ODAD4: variants seen among roughly 807,000 people sequenced by gnomAD.
ODAD4 encodes the protein outer dynein arm-docking complex subunit 4.
In ODAD4, 49 loss-of-function variants were observed where a neutral mutation model predicts 51.8. That is an observed-to-expected ratio of 0.95 (90% CI 0.75 to 1.20). The LOEUF is 1.20. Among genes scored for constraint, ODAD4 ranks in the 50% most tolerant of loss-of-function variants. The probability of loss-of-function intolerance (pLI) is 0.00; values close to 1 mark genes in which losing one functional copy is unlikely to be tolerated. For missense variants in ODAD4, 590 were observed against 586.5 expected (o/e 1.01, Z -0.06); for synonymous variants, 235 against 221.3 (o/e 1.06, Z -0.55).
At chr17:41,958,277 T>G (rs1313998389) in intron 10 of ODAD4, among the ~76,000 whole-genome samples, 3 of 152,274 alleles carry the variant, frequency 2.0e-5, no homozygotes, top group African/African-American at 4.8e-5. Flanking sequence ...AGCCTTGATA[T>G]GTCCCCCATC....
chr17:41,944,439 CA>C (rs1567933135), intron 7 of ODAD4, among the ~76,000 whole-genome samples: 68 of 3,936 alleles, frequency 0.017, 1 homozygote, highest in Admixed American at 0.033. Context: ...CACACACACA[CA>C]CACACCCCCC....
At position 41,935,541 on chromosome 17, in the gene ODAD4, C is replaced by T. The variant is rs1302553095; in HGVS notation, c.247-58C>T. 7 of 1,568,400 alleles carry T rather than the reference C, an allele frequency of 4.5e-6. No homozygotes were observed. In the Admixed American group the frequency reaches 7.6e-5, roughly 17 times the overall value. On this transcript the variant is annotated intron_variant, in intron 2 of 11. Transcript: ENST00000377540. ...AACCCAGGACCCTTCTGTTCCACCA[C>T]ATGTGAGTCCTATAAGGCCTTATCT...
chr17:41,943,320 C>G (rs1346312741), intron 7 of ODAD4, among the ~76,000 whole-genome samples: 1 of 152,164 alleles, frequency 6.6e-6, no homozygotes, highest in African/African-American at 2.4e-5. Context: ...TGGCTCATGC[C>G]TGTAATTCCA....
intron 9 of ODAD4, chr17:41,955,016 C>T (rs782465262): frequency 1.0e-5 from 7 of 685,250 alleles, no homozygotes; most frequent in Middle Eastern, 4.8e-4. Context: ...AGTCCTGGTT[C>T]TCGATGGTGA....
At chr17:41,955,897 C>T (rs782650569) in intron 10 of ODAD4, among the ~76,000 whole-genome samples, 2 of 151,884 alleles carry the variant, frequency 1.3e-5, no homozygotes, top group African/African-American at 2.4e-5. Context: ...ATTGCAGCCT[C>T]GACCTCCTGG....
At chr17:41,953,861 C>T (rs1339586213) in intron 9 of ODAD4, among the ~76,000 whole-genome samples, 1 of 151,200 alleles carries the variant, frequency 6.6e-6, no homozygotes, top group Non-Finnish European at 1.5e-5. Context: ...GAGATCGGGT[C>T]TCACTATGTT....
chr17:41,963,074 A>T (rs1555641964), intron 11 of ODAD4, among the ~76,000 whole-genome samples: 1 of 152,184 alleles, frequency 6.6e-6, no homozygotes, highest in East Asian at 1.9e-4. Context: ...GCGGGGAAGC[A>T]GCCAACACCC....
chr17:41,936,779 G>A lies in ODAD4; in HGVS notation c.477G>A (p.Gln159=). The change falls in exon 5 of 12, where the codon CAG becomes CAA. Residue 159 remains glutamine, a synonymous_variant. Coordinates refer to ENST00000377540, the MANE Select transcript of ODAD4 (RefSeq NM_031421.5). ...SKQAENIKAQ[Q]KPQPMKHLLH... ...TTTCTCAGAATATAAAAGCCCAGCA[G>A]AAGCCTCAGCCCATGAAACACCTCT... 6.2e-7 allele frequency: 1 copy of A among 1,614,000 alleles called. No individual in the cohort carries two copies. The highest frequency in any genetic ancestry group is 2.2e-5 in the East Asian group (1 of 44,884).
intron 10 of ODAD4, among the ~76,000 whole-genome samples, chr17:41,956,579 C>G (rs1476424530): frequency 6.9e-6 from 1 of 145,690 alleles, no homozygotes; most frequent in Non-Finnish European, 1.5e-5. Flanking sequence ...GGCAACATGG[C>G]GAAACCCTAT....
At position 41,961,394 on chromosome 17, in the gene ODAD4, G is replaced by C. The variant is rs781929413; in HGVS notation, c.1456G>C (p.Ala486Pro). 1 of 746,416 alleles carries C rather than the reference G, an allele frequency of 1.3e-6. No homozygotes were observed. The highest frequency in any genetic ancestry group is 2.5e-6 in the Non-Finnish European group (1 of 401,028). 46.2% of individuals were successfully genotyped at this position (746,416 alleles called of 1,614,324 possible). A position where few individuals can be genotyped will look rare whatever the true frequency, so the allele number is the denominator to read the frequency against. ...CTACCATCCACAGGCCTTGGACGAT[G>C]CCAACAAGGGTATCATCAGAGAACT... ...QQAIISALDD[A>P]NKGIIRELRK... Residue 486 changes from alanine (A) to proline (P), a missense_variant, in exon 11 of 12, where the codon GCC becomes CCC. Coordinates refer to ENST00000377540, the MANE Select transcript of ODAD4 (RefSeq NM_031421.5).
intron 1 of ODAD4, among the ~76,000 whole-genome samples, chr17:41,932,466 G>C (rs1319992672): frequency 6.6e-6 from 1 of 152,164 alleles, no homozygotes; most frequent in African/African-American, 2.4e-5. Flanking sequence ...TTCAAAGCCG[G>C]GCTCAGACTC....
chr17:41,954,908 G>A (rs533519935), intron 9 of ODAD4: 12 of 330,828 alleles, frequency 3.6e-5, no homozygotes, highest in South Asian at 2.3e-4. Flanking sequence ...AGCAGGATGC[G>A]GTTTTCTCCT....
intron 1 of ODAD4, among the ~76,000 whole-genome samples, chr17:41,933,208 C>T (rs1555637215): frequency 6.6e-6 from 1 of 152,080 alleles, no homozygotes; most frequent in South Asian, 2.1e-4. Flanking sequence ...CAGTCACTTT[C>T]CAGAAAGACA....
intron 9 of ODAD4, among the ~76,000 whole-genome samples, chr17:41,954,267 G>A (rs937974986): frequency 6.6e-6 from 1 of 152,060 alleles, no homozygotes; most frequent in Non-Finnish European, 1.5e-5. Flanking sequence ...GATTACAGAC[G>A]TGAGCCACCA....
intron 7 of ODAD4, among the ~76,000 whole-genome samples, chr17:41,944,444 A>ACACACACACCCCC (rs1191101800): frequency 5.1e-4 from 10 of 19,540 alleles, no homozygotes; most frequent in Non-Finnish European, 1.1e-3. Context: ...ACACACACAC[A>ACACACACACCCCC]CCCCCCCGCA....
intron 9 of ODAD4, among the ~76,000 whole-genome samples, chr17:41,951,476 G>C (rs1244525070): frequency 6.6e-6 from 1 of 151,446 alleles, no homozygotes; most frequent in Non-Finnish European, 1.5e-5. Flanking sequence ...GTCTCACTCT[G>C]TTGCCCAGTC....
chr17:41,960,293 C>A (rs192584353), intron 10 of ODAD4, among the ~76,000 whole-genome samples: 1 of 152,208 alleles, frequency 6.6e-6, no homozygotes, highest in African/African-American at 2.4e-5. Context: ...CATAGCAAGA[C>A]CCTGTCTCTT....
At chr17:41,956,201 A>C (rs1453068168) in intron 10 of ODAD4, among the ~76,000 whole-genome samples, 6 of 150,968 alleles carry the variant, frequency 4.0e-5, no homozygotes, top group African/African-American at 1.5e-4. Flanking sequence ...GCGCCCCCCC[A>C]CCACGCCCAG....
At chr17:41,939,429 T>A (rs2050476733) in intron 7 of ODAD4, among the ~76,000 whole-genome samples, 1 of 152,188 alleles carries the variant, frequency 6.6e-6, no homozygotes. Context: ...CTTAGGGATG[T>A]TTATATTCTT....
Sources: gnomAD v4.1 joint callset for allele counts (sites outside exome capture counted in the v4.1 genomes callset) on GRCh38, gnomAD v4.1.1 for gene constraint, MANE v1.5 for transcripts, NCBI Gene and HGNC (gene_info 2026-07-23, HGNC 2026-07-21) for gene names.